Variants in PJA2 observed in about 807,000 individuals in gnomAD.
The protein encoded by PJA2 is praja ring finger ubiquitin ligase 2.
PJA2 carries 25 observed loss-of-function variants against 69.3 expected under a neutral mutation model. The observed-to-expected ratio is 0.36, with a 90% confidence interval of 0.26 to 0.50. The LOEUF (loss-of-function observed/expected upper bound fraction) is 0.50, where lower values mean the gene tolerates loss of function less well. Among genes scored for constraint, PJA2 ranks in the 20% least tolerant of loss-of-function variants. The pLI is 0.96. For synonymous variants in PJA2, 308 were observed against 277.8 expected, an observed-to-expected ratio of 1.11 and a Z score of -1.08; for missense variants, 809 against 830.2, an observed-to-expected ratio of 0.97 and a Z score of 0.31.
At chr5:109,373,624 T>C (rs977558191) in intron 4 of PJA2, among the ~76,000 whole-genome samples, 8 of 152,164 alleles carry the variant, frequency 5.3e-5, no homozygotes, top group Non-Finnish European at 1.0e-4. Flanking sequence ...TGAAGATCCA[T>C]TTGTTCTAGA....
intron 4 of PJA2, among the ~76,000 whole-genome samples, chr5:109,370,215 A>G (rs1762654015): frequency 6.6e-6 from 1 of 152,150 alleles, no homozygotes; most frequent in African/African-American, 2.4e-5. Context: ...CATATCAACC[A>G]TTTTGGTTAA....
At chr5:109,391,236 C>A (rs1363349884) in intron 1 of PJA2, among the ~76,000 whole-genome samples, 1 of 152,184 alleles carries the variant, frequency 6.6e-6, no homozygotes, top group African/African-American at 2.4e-5. Flanking sequence ...GCTCACCCTA[C>A]ATGTAAGCCC....
intron 7 of PJA2, among the ~76,000 whole-genome samples, chr5:109,350,654 G>C (rs1397256065): frequency 1.3e-5 from 2 of 152,122 alleles, no homozygotes; most frequent in African/African-American, 2.4e-5. Context: ...TAACCCATCA[G>C]GTAGATTTTA....
At chr5:109,404,183 C>G (rs1403165187) in intron 1 of PJA2, among the ~76,000 whole-genome samples, 1 of 152,050 alleles carries the variant, frequency 6.6e-6, no homozygotes, top group African/African-American at 2.4e-5. Context: ...ATTAGGACTC[C>G]TATAACAAGC....
intron 9 of PJA2, among the ~76,000 whole-genome samples, chr5:109,341,037 A>T (rs1762043992): frequency 6.8e-6 from 1 of 146,508 alleles, no homozygotes; most frequent in Non-Finnish European, 1.5e-5. Flanking sequence ...AAGTGCCAAG[A>T]TTGCAGCCTC....
Position 109,381,563 on chromosome 5 carries a change from G to T in PJA2, c.172C>A (p.Arg58=), listed in dbSNP as rs1212417112. ...CMTRHERSLG[R]AGDDYEVLEL... Reference sequence around the variant, plus strand: ...AACACTTCATAGTCATCACCAGCCCGACCTAAGCTTCTTTCATGTCTGGTC... The same window carrying T: ...AACACTTCATAGTCATCACCAGCCCTACCTAAGCTTCTTTCATGTCTGGTC... The change falls in exon 3 of 10, where the codon CGG becomes AGG. Residue 58 remains arginine, a synonymous_variant. Coordinates refer to ENST00000361189, the MANE Select transcript of PJA2 (RefSeq NM_014819.5). 3 of 1,613,918 alleles carry T rather than the reference G, an allele frequency of 1.9e-6. No individual in the cohort carries two copies. The highest frequency in any genetic ancestry group is 2.5e-6 in the Non-Finnish European group (3 of 1,179,984).
At chr5:109,353,582 A>T (rs928668849) in intron 7 of PJA2, among the ~76,000 whole-genome samples, 1 of 144,824 alleles carries the variant, frequency 6.9e-6, no homozygotes, top group Non-Finnish European at 1.5e-5. Flanking sequence ...ATAGACATCT[A>T]TATATTAGAT....
chr5:109,374,537 G>A (rs1378546621), intron 4 of PJA2, among the ~76,000 whole-genome samples: 2 of 152,234 alleles, frequency 1.3e-5, no homozygotes, highest in Middle Eastern at 3.4e-3. Flanking sequence ...TGGGAACAGG[G>A]ACCATTATGA....
At chr5:109,390,359 T>G (rs778366770) in intron 1 of PJA2, among the ~76,000 whole-genome samples, 1 of 152,012 alleles carries the variant, frequency 6.6e-6, no homozygotes, top group Admixed American at 6.6e-5. Context: ...CTCATAACAC[T>G]TCTCTCCTTA....
chr5:109,400,511 C>T (rs1450525175), intron 1 of PJA2, among the ~76,000 whole-genome samples: 1 of 150,404 alleles, frequency 6.6e-6, no homozygotes, highest in Non-Finnish European at 1.5e-5. Context: ...GGGGGGGTGT[C>T]GCGGGCAGTG....
At chr5:109,371,519 G>A (rs1440461273) in intron 4 of PJA2, among the ~76,000 whole-genome samples, 4 of 151,568 alleles carry the variant, frequency 2.6e-5, no homozygotes, top group Admixed American at 6.6e-5. Context: ...CTTTTTCTCC[G>A]TTTCTCCTAA....
rs146349220 is a variant in PJA2, at chr5:109,407,421, C to T, written c.-88+2421G>A. 3.7e-3 allele frequency among the ~76,000 whole-genome samples: 565 copies of T among 152,190 alleles called. 4 individuals carry two copies. The highest frequency in any genetic ancestry group is 0.013 in the African/African-American group (548 of 41,538). On this transcript the variant is annotated intron_variant, in intron 1 of 9. Transcript: ENST00000361189. Reference sequence around the variant, plus strand: ...AAATATTTTAATATCAGCGGCTTTACCAGAAAGCTTCACCAAACATCATAA... The same window carrying T: ...AAATATTTTAATATCAGCGGCTTTATCAGAAAGCTTCACCAAACATCATAA...
At chr5:109,345,501 G>A (rs551291777) in intron 7 of PJA2, among the ~76,000 whole-genome samples, 5 of 124,942 alleles carry the variant, frequency 4.0e-5, no homozygotes, top group South Asian at 2.9e-4. Context: ...GTGACAGAGC[G>A]AGACTCTGTC....
rs1303634081 is a variant in PJA2 at position 109,334,733 on chromosome 5, T to C, written c.*2498A>G. ...ATATTAGAAATGACCACCGAGTATA[T>C]TCTGTTTATTGTTTATGATTTACAC... On this transcript the variant is annotated 3_prime_UTR_variant, in exon 10 of 10. Transcript: ENST00000361189. 1.3e-5 allele frequency: 2 copies of C among 152,662 alleles called. No homozygotes were observed. The highest frequency in any genetic ancestry group is 2.9e-5 in the Non-Finnish European group (2 of 68,038). The allele number at this position is 152,662 out of a possible 1,614,324, so 9.5% of individuals were successfully genotyped here. A position where few individuals can be genotyped will look rare whatever the true frequency, so the allele number is the denominator to read the frequency against.
chr5:109,407,287 T>C (rs72794811), intron 1 of PJA2, among the ~76,000 whole-genome samples: 16 of 152,112 alleles, frequency 1.1e-4, no homozygotes, highest in Non-Finnish European at 1.9e-4. Flanking sequence ...TGCCCACATA[T>C]ACCCACCTCA....
intron 1 of PJA2, among the ~76,000 whole-genome samples, chr5:109,390,436 T>A (rs1747256915): frequency 6.6e-6 from 1 of 152,140 alleles, no homozygotes; most frequent in East Asian, 1.9e-4. Context: ...CAATACTGAT[T>A]CCATCTTTTC....
Position 109,378,365 on chromosome 5 carries a change from C to G in PJA2, c.1122G>C (p.Met374Ile). 6.2e-7 allele frequency: 1 copy of G among 1,614,142 alleles called. No homozygotes were observed. Among genetic ancestry groups the G allele is most frequent in the Non-Finnish European group, 8.5e-7 (1 of 1,180,006 alleles). Residue 374 changes from methionine (M) to isoleucine (I), a missense_variant, in exon 4 of 10, where the codon ATG becomes ATC. Around this residue, in one of 4 missense-constraint regions of PJA2, gnomAD observed 700 missense variants for 639.5 expected, o/e 1.09. Coordinates refer to ENST00000361189, the MANE Select transcript of PJA2 (RefSeq NM_014819.5). The stretch of plus-strand genomic sequence containing the variant: ...CTCTTGAGTATGGTGGATCCAAGAA[C>G]ATACAGTCATGCTCTCCATCATATT... ...CEEYDGEHDCMFLDPPYSRVI... is the reference protein window; with the variant it reads ...CEEYDGEHDCIFLDPPYSRVI...
intron 4 of PJA2, among the ~76,000 whole-genome samples, chr5:109,371,903 T>C (rs1762680482): frequency 6.6e-6 from 1 of 152,202 alleles, no homozygotes; most frequent in Non-Finnish European, 1.5e-5. Flanking sequence ...TAGCCTCACA[T>C]ATCAGGTGAA....
intron 9 of PJA2, among the ~76,000 whole-genome samples, chr5:109,340,117 T>C (rs893572503): frequency 2.0e-5 from 3 of 152,230 alleles, no homozygotes; most frequent in Non-Finnish European, 2.9e-5. Flanking sequence ...AGCTGGTCTT[T>C]GTAACTTGCA....
Sources: allele counts gnomAD v4.1 joint callset (sites outside exome capture counted in the v4.1 genomes callset), GRCh38; gene constraint gnomAD v4.1.1; regional missense constraint gnomAD v4.1.1; transcripts MANE v1.5; gene names NCBI Gene and HGNC (gene_info 2026-07-23, HGNC 2026-07-21).